The following MED15 variants were observed in gnomAD, a reference collection of about 807,000 sequenced individuals.
MED15 encodes the protein mediator complex subunit 15.
Under a neutral mutation model 118.7 loss-of-function variants are expected in MED15, and 41 were observed. The observed-to-expected ratio is 0.35, with a 90% CI of 0.27 to 0.45. The LOEUF (loss-of-function observed/expected upper bound fraction) is 0.45. MED15 is among the 20% of genes least tolerant of loss of function. The probability of loss-of-function intolerance (pLI) is 1.00; values close to 1 mark genes in which losing one functional copy is unlikely to be tolerated. For missense variants in MED15, 740 were observed against 1,025.5 expected (o/e 0.72, Z 3.80); for synonymous variants, 436 against 413.9 (o/e 1.05, Z -0.65).
chr22:20,514,617 C>T (rs2054189114), intron 1 of MED15, among the ~76,000 whole-genome samples: 1 of 152,158 alleles, frequency 6.6e-6, no homozygotes, highest in African/African-American at 2.4e-5. Flanking sequence ...TTAGGGGGAG[C>T]ATGGAATGGA....
At chr22:20,534,174 C>G (rs537967313) in intron 1 of MED15, among the ~76,000 whole-genome samples, 24 of 152,162 alleles carry the variant, frequency 1.6e-4, no homozygotes, top group African/African-American at 5.8e-4. Flanking sequence ...CCTCCCCACT[C>G]CTTACACAGC....
intron 2 of MED15, among the ~76,000 whole-genome samples, chr22:20,547,511 G>A (rs11913912): frequency 0.11 from 16,197 of 152,118 alleles, 1,238 homozygotes; most frequent in Non-Finnish European, 0.15. Flanking sequence ...TGGCAAAACC[G>A]TGTCTCTCCA....
chr22:20,551,664 C>T lies in MED15; in HGVS notation c.208+177C>T, dbSNP rs139500122. ...GCATTTGACTCCAGATCCCTCCATCCTCCCAGAGCCTTGGCCTCAAAAATG... is the reference window on the plus strand; with the variant it reads ...GCATTTGACTCCAGATCCCTCCATCTTCCCAGAGCCTTGGCCTCAAAAATG... On this transcript the variant is annotated intron_variant, in intron 3 of 17. Transcript: ENST00000263205. 1,330 of 652,968 alleles carry T rather than the reference C, an allele frequency of 2.0e-3. 13 individuals are homozygous for T. The African/African-American group carries it at 0.022, about 11-fold the overall frequency. The allele number at this position is 652,968 out of a possible 1,614,324, so 40.4% of individuals were successfully genotyped here.
chr22:20,535,147 A>G (rs1376264217), intron 1 of MED15, among the ~76,000 whole-genome samples: 1 of 152,058 alleles, frequency 6.6e-6, no homozygotes, highest in Non-Finnish European at 1.5e-5. Context: ...TAGTGGAGAC[A>G]GGGTTTCACC....
intron 9 of MED15, among the ~76,000 whole-genome samples, chr22:20,581,386 A>C (rs165614): frequency 0.15 from 22,309 of 152,026 alleles, 1,937 homozygotes; most frequent in South Asian, 0.22. Context: ...CTATCCCAGT[A>C]CTCACAGCAC....
chr22:20,566,364 C>T, intron 6 of MED15, 103 bp from the exon 7 acceptor site: 1 of 1,554,838 alleles, frequency 6.4e-7, no homozygotes, highest in Non-Finnish European at 8.7e-7. Flanking sequence ...GATGGCTCTG[C>T]AGATGGCCAC....
At chr22:20,551,575 C>G in intron 3 of MED15, 88 bp downstream of exon 3, 1 of 1,279,738 alleles carries the variant, frequency 7.8e-7, no homozygotes, top group South Asian at 1.2e-5. Flanking sequence ...CTGGGCAGGC[C>G]GTGGTGCCTG....
At chr22:20,579,707 G>T (rs961078039) in intron 9 of MED15, among the ~76,000 whole-genome samples, 11 of 152,100 alleles carry the variant, frequency 7.2e-5, no homozygotes, top group Non-Finnish European at 1.6e-4. Context: ...TGCAGTTCAG[G>T]CCATTGTTGC....
At chr22:20,538,631 T>G (rs563291857) in intron 2 of MED15, among the ~76,000 whole-genome samples, 1 of 152,320 alleles carries the variant, frequency 6.6e-6, no homozygotes, top group Non-Finnish European at 1.5e-5. Context: ...ACTTATACTT[T>G]CTACTGCTGT....
intron 1 of MED15, among the ~76,000 whole-genome samples, chr22:20,527,954 C>G (rs1299478141): frequency 1.7e-5 from 2 of 114,836 alleles, no homozygotes; most frequent in Non-Finnish European, 3.4e-5. Context: ...TAGACTCCGT[C>G]TCAAAAAAAA....
At chr22:20,584,561 T>C (rs2057079123) in intron 14 of MED15, 136 bp downstream of exon 14, 2 of 1,085,938 alleles carry the variant, frequency 1.8e-6, no homozygotes, top group Non-Finnish European at 2.7e-6. Flanking sequence ...CCACGAGGCT[T>C]CCTGGCCAGG....
At chr22:20,534,198 G>A (rs898703333) in intron 1 of MED15, among the ~76,000 whole-genome samples, 12 of 151,840 alleles carry the variant, frequency 7.9e-5, no homozygotes, top group Non-Finnish European at 1.0e-4. Context: ...CCTCCAGGCC[G>A]TCCTGCTTGG....
At position 20,566,597 on chromosome 22, in the gene MED15, C is replaced by T. The variant is rs754443546; in HGVS notation, c.821C>T (p.Pro274Leu). 27 of 1,613,754 alleles carry T rather than the reference C, an allele frequency of 1.7e-5. No individual in the cohort carries two copies. The highest frequency in any genetic ancestry group is 3.3e-5 in the South Asian group (3 of 91,072). ...LQAQPPIQQPPMQQPQPPPSQ... is the reference protein window; with the variant it reads ...LQAQPPIQQPLMQQPQPPPSQ... ...GCCCAGCCACCAATTCAGCAGCCACCGATGCAGCAGCCACAGCCTCCGCCC... is the reference window on the plus strand; with the variant it reads ...GCCCAGCCACCAATTCAGCAGCCACTGATGCAGCAGCCACAGCCTCCGCCC... The change falls in exon 7 of 18, where the codon CCG becomes CTG. Residue 274 changes from proline (P) to leucine (L), a missense_variant. Pro to Leu is a moderately conservative substitution (Grantham distance 98). Around this residue, in one of 7 missense-constraint regions of MED15, gnomAD observed 384 missense variants for 506.3 expected, o/e 0.76. Coordinates refer to ENST00000263205, the MANE Select transcript of MED15 (RefSeq NM_001003891.3).
intron 7 of MED15, among the ~76,000 whole-genome samples, chr22:20,568,187 G>A (rs2056511664): frequency 6.6e-6 from 1 of 152,184 alleles, no homozygotes; most frequent in South Asian, 2.1e-4. Context: ...ATCAGGCTGA[G>A]TGAAGCTCTT....
chr22:20,558,236 T>C (rs2056095680), intron 5 of MED15, among the ~76,000 whole-genome samples: 2 of 152,218 alleles, frequency 1.3e-5, no homozygotes, highest in Admixed American at 6.5e-5. Context: ...TGTTGTCTGA[T>C]GGGCATTTGA....
chr22:20,544,872 A>G (rs950130625), intron 2 of MED15, among the ~76,000 whole-genome samples: 3 of 122,064 alleles, frequency 2.5e-5, no homozygotes, highest in African/African-American at 7.7e-5. Context: ...TCACGAGGTA[A>G]ATACATTCTC....
Position 20,582,676 on chromosome 22 carries a change from G to T in MED15, c.1338G>T (p.Gln446His). The change falls in exon 10 of 18, where the codon CAG becomes CAT. Residue 446 changes from glutamine (Q) to histidine (H), a missense_variant. Coordinates refer to ENST00000263205, the MANE Select transcript of MED15 (RefSeq NM_001003891.3). ...CGGGCCAGCAGGTGCAGACCCCGCA[G>T]TCGATGCCCCCTCCCCCCCAGCCGT... ...PSPGQQVQTP[Q>H]SMPPPPQPSP... 1 of 1,597,220 alleles carries T rather than the reference G, an allele frequency of 6.3e-7. No individual in the cohort carries two copies. The highest frequency in any genetic ancestry group is 1.1e-5 in the South Asian group (1 of 90,610).
intron 1 of MED15, among the ~76,000 whole-genome samples, chr22:20,529,338 C>A (rs2054771481): frequency 6.6e-6 from 1 of 152,150 alleles, no homozygotes; most frequent in African/African-American, 2.4e-5. Flanking sequence ...ACCTCCACCT[C>A]CCTGGTTCAA....
Position 20,586,656 on chromosome 22 carries a change from C to G in MED15, c.2319C>G (p.Leu773=), listed in dbSNP as rs762633798. The change falls in exon 18 of 18, where the codon CTC becomes CTG. Residue 773 remains leucine (L), a synonymous_variant. Transcript: ENST00000263205. ...LPDKHSVTAL[L]NTWAQSVHQA... ...ACAAGCACTCGGTCACCGCCTTGCT[C>G]AACACCTGGGCCCAGAGCGTCCACC... is the stretch of plus-strand genomic sequence containing the variant. The G allele has an allele frequency of 1.2e-6, 2 of 1,612,998 alleles. No homozygotes were observed. The highest frequency in any genetic ancestry group is 1.7e-6 in the Non-Finnish European group (2 of 1,179,986).
Sources: gnomAD v4.1 joint callset for allele counts (sites outside exome capture counted in the v4.1 genomes callset) on GRCh38, gnomAD v4.1.1 for gene constraint, gnomAD v4.1.1 regional missense constraint, MANE v1.5 for transcripts, NCBI Gene and HGNC (gene_info 2026-07-23, HGNC 2026-07-21) for gene names.